Variants in ALPK2 observed in about 807,000 individuals in gnomAD.
ALPK2 encodes alpha kinase 2, also known as alpha-protein kinase 2.
A neutral mutation model predicts 163.1 loss-of-function variants in ALPK2; 127 were observed. The observed-to-expected ratio is 0.78, with a 90% CI of 0.67 to 0.90. The LOEUF (loss-of-function observed/expected upper bound fraction) is 0.90. ALPK2 is among the 40% of genes least tolerant of loss of function. ALPK2 has a pLI of 0.00. For synonymous variants in ALPK2, 953 were observed against 959.1 expected (o/e 0.99, Z 0.12); for missense variants, 2,360 against 2,589.6 (o/e 0.91, Z 1.92).
At chr18:58,606,642 C>T (rs926503438) in intron 3 of ALPK2, among the ~76,000 whole-genome samples, 2 of 152,138 alleles carry the variant, frequency 1.3e-5, no homozygotes, top group Non-Finnish European at 2.9e-5. Flanking sequence ...GCCTACCAGT[C>T]ATTTTCATAC....
chr18:58,608,991 A>G (rs2052113636), intron 2 of ALPK2, among the ~76,000 whole-genome samples: 1 of 151,816 alleles, frequency 6.6e-6, no homozygotes, highest in African/African-American at 2.4e-5. Flanking sequence ...GAAAAGAAAA[A>G]ACGGAACTCC....
intron 10 of ALPK2, among the ~76,000 whole-genome samples, chr18:58,513,906 C>T (rs2051507796): frequency 6.6e-6 from 1 of 152,144 alleles, no homozygotes; most frequent in Admixed American, 6.6e-5. Context: ...AGAAAGAAGC[C>T]CAAATTGCAT....
intron 4 of ALPK2, among the ~76,000 whole-genome samples, chr18:58,546,964 TG>T (rs571789866): frequency 2.2e-4 from 31 of 142,934 alleles, no homozygotes; most frequent in African/African-American, 7.7e-4. Flanking sequence ...TTATTTGCTG[TG>T]TCTTAAAAAG....
chr18:58,547,592 A>G (rs996018617), intron 4 of ALPK2, among the ~76,000 whole-genome samples: 1 of 152,262 alleles, frequency 6.6e-6, no homozygotes, highest in Non-Finnish European at 1.5e-5. Flanking sequence ...TCACAGCCAC[A>G]GAATGCAACA....
At chr18:58,620,476 A>G (rs2052192671) in intron 1 of ALPK2, among the ~76,000 whole-genome samples, 1 of 152,212 alleles carries the variant, frequency 6.6e-6, no homozygotes, top group African/African-American at 2.4e-5. Flanking sequence ...AATTATAAAG[A>G]CAGAAAGTAG....
intron 4 of ALPK2, among the ~76,000 whole-genome samples, chr18:58,552,562 A>G (rs2051765462): frequency 6.6e-6 from 1 of 152,246 alleles, no homozygotes. Context: ...CTGCTGATGC[A>G]TGTACATTCA....
intron 4 of ALPK2, among the ~76,000 whole-genome samples, chr18:58,575,411 T>A (rs2051915170): frequency 6.6e-6 from 1 of 152,192 alleles, no homozygotes; most frequent in South Asian, 2.1e-4. Context: ...TGCTTAGTGC[T>A]GATTCCTGAT....
rs1465474766 is a variant in ALPK2, at chr18:58,562,424, C to T, written c.1962+16390G>A. ...TGCTTATTTTTGGTAAGTAACAATT[C>T]CATTTCAGAAAAATGCCTTACTGAA... On this transcript the variant is annotated intron_variant, in intron 4 of 12. Coordinates refer to ENST00000361673, the MANE Select transcript of ALPK2 (RefSeq NM_052947.4). Among the ~76,000 whole-genome samples, 10 of 152,284 alleles carry T rather than the reference C, an allele frequency of 6.6e-5. No homozygotes were observed. The East Asian group carries it at 1.5e-3, about 23-fold the overall frequency.
intron 9 of ALPK2, among the ~76,000 whole-genome samples, chr18:58,515,828 GT>G (rs2051518401): frequency 6.6e-6 from 1 of 152,166 alleles, no homozygotes; most frequent in South Asian, 2.1e-4. Flanking sequence ...TGTTTTAATT[GT>G]TTTAGATGTT....
chr18:58,510,560 T>C (rs537713686), intron 10 of ALPK2, among the ~76,000 whole-genome samples: 9 of 152,350 alleles, frequency 5.9e-5, no homozygotes, highest in East Asian at 5.8e-4. Context: ...TTTGATTACA[T>C]TGAGCAGTGG....
At chr18:58,603,487 T>C (rs2052082118) in intron 3 of ALPK2, among the ~76,000 whole-genome samples, 1 of 152,210 alleles carries the variant, frequency 6.6e-6, no homozygotes, top group Non-Finnish European at 1.5e-5. Context: ...TTTGTCCCGC[T>C]TTAGCCCAGG....
intron 4 of ALPK2, among the ~76,000 whole-genome samples, chr18:58,550,249 G>T (rs957398683): frequency 1.7e-4 from 21 of 127,168 alleles, no homozygotes; most frequent in Non-Finnish European, 3.3e-4. Flanking sequence ...CCCACATTCT[G>T]GTGTCTATGA....
intron 3 of ALPK2, 109 bp from the exon 4 acceptor site, chr18:58,580,657 A>G (rs1431925174): frequency 1.9e-6 from 2 of 1,063,326 alleles, no homozygotes; most frequent in Non-Finnish European, 2.7e-6. Context: ...TGCATGTTCA[A>G]GGAGATCTGT....
intron 4 of ALPK2, among the ~76,000 whole-genome samples, chr18:58,559,936 C>T (rs1366966190): frequency 2.6e-5 from 4 of 152,168 alleles, no homozygotes; most frequent in Non-Finnish European, 5.9e-5. Context: ...TGGCTCAGAA[C>T]AACATAGATT....
At chr18:58,538,281 G>A (rs377020185) in intron 4 of ALPK2, 57 bp from the exon 5 acceptor site, 2 of 1,435,970 alleles carry the variant, frequency 1.4e-6, no homozygotes, top group Admixed American at 3.7e-5. Context: ...CCACAATAGG[G>A]CATAACTGCA....
chr18:58,499,904 G>A (rs7236716), intron 11 of ALPK2, among the ~76,000 whole-genome samples: 17,081 of 152,276 alleles, frequency 0.11, 1,187 homozygotes, highest in East Asian at 0.38. Context: ...ACCTACTTCC[G>A]TGGTTCCCCA....
At chr18:58,502,744 C>T (rs2051439260) in intron 11 of ALPK2, among the ~76,000 whole-genome samples, 1 of 152,250 alleles carries the variant, frequency 6.6e-6, no homozygotes, top group Non-Finnish European at 1.5e-5. Context: ...CCTGGCTCCA[C>T]CTCTTAGTGC....
At position 58,534,891 on chromosome 18, in the gene ALPK2, A is replaced by G. The variant is rs2051634930; in HGVS notation, c.5296T>C (p.Ser1766Pro). 6.2e-7 allele frequency: 1 copy of G among 1,613,982 alleles called. No homozygotes were observed. Residue 1766 changes from serine (S) to proline (P), a missense_variant, in exon 5 of 13, where the codon TCA becomes CCA. Ser to Pro is a moderately conservative substitution (Grantham distance 74). Coordinates refer to ENST00000361673, the MANE Select transcript of ALPK2 (RefSeq NM_052947.4). ...KKMPKLETSLSHTEEKQDPKK... is the reference protein window; with the variant it reads ...KKMPKLETSLPHTEEKQDPKK... ...GGGTCTTGTTTCTCTTCTGTGTGTG[A>G]TAATGATGTTTCGAGTTTGGGCATC...
rs761255235 is a variant in ALPK2, at chr18:58,535,634, T to C, written c.4553A>G (p.Asp1518Gly). The change falls in exon 5 of 13, where the codon GAT becomes GGT. Residue 1518 changes from aspartate (D) to glycine (G), a missense_variant. Transcript: ENST00000361673. ...TTGCTCAGCCTCCCCTAAGCTCCCA[T>C]CACTGCTTTCTTGTATTTGGCCTAT... is the stretch of plus-strand genomic sequence containing the variant. ...CSIGQIQESS[D>G]GSLGEAEQSK... The C allele has an allele frequency of 1.5e-5, 25 of 1,614,110 alleles. No homozygotes were observed. The East Asian group carries it at 4.9e-4, about 32-fold the overall frequency.
Sources: gnomAD v4.1 joint callset for allele counts (sites outside exome capture counted in the v4.1 genomes callset) on GRCh38, gnomAD v4.1.1 for gene constraint, MANE v1.5 for transcripts, NCBI Gene and HGNC (gene_info 2026-07-23, HGNC 2026-07-21) for gene names.